Variants in LRIG3 observed in about 807,000 individuals in gnomAD.
LRIG3 encodes leucine rich repeats and immunoglobulin like domains 3, also known as leucine-rich repeats and immunoglobulin-like domains protein 3.
In LRIG3, 76 loss-of-function variants were observed where a neutral mutation model predicts 114.5. The ratio of observed to expected loss-of-function variants is 0.66; its 90% confidence interval spans 0.55 to 0.80. The LOEUF is 0.80. Ranked by LOEUF, LRIG3 falls within the 30% of genes least tolerant of loss-of-function variation. LRIG3 has a pLI of 0.00. For synonymous variants in LRIG3, 512 were observed against 519.8 expected, an observed-to-expected ratio of 0.98 and a Z score of 0.20; for missense variants, 1,239 against 1,382.8, an observed-to-expected ratio of 0.90 and a Z score of 1.65.
chr12:58,876,643 C>A (rs148809438), intron 15 of LRIG3, 40 bp from the exon 16 acceptor site: 1 of 1,607,362 alleles, frequency 6.2e-7, no homozygotes, highest in South Asian at 1.1e-5. Context: ...CAAGGATGAT[C>A]GTTAATTGTC....
At position 58,890,756 on chromosome 12, in the gene LRIG3, T is replaced by C. The variant is rs757820193; in HGVS notation, c.424A>G (p.Lys142Glu). The C allele has an allele frequency of 5.0e-6, 8 of 1,607,086 alleles. No individual in the cohort carries two copies. The South Asian group carries it at 9.0e-5, about 18-fold the overall frequency. The change falls in exon 4 of 19, where the codon AAA (lysine) becomes GAA (glutamate). Residue 142 changes from lysine (K) to glutamate (E), a missense_variant. Transcript: ENST00000320743. ...AAAGTTTCAAGGGACTGAAACTCTT[T>C]CAGATGTTCAGGGAGTATTTCAACA... The part of the protein sequence containing the change: ...RIVEILPEHL[K>E]EFQSLETLDL...
intron 10 of LRIG3, among the ~76,000 whole-genome samples, chr12:58,884,265 T>C (rs929357238): frequency 6.6e-5 from 10 of 152,232 alleles, no homozygotes; most frequent in Non-Finnish European, 1.5e-4. Flanking sequence ...GCACATATTC[T>C]GGATTAATTC....
chr12:58,878,120 TA>T (rs1429265867), intron 14 of LRIG3, among the ~76,000 whole-genome samples: 5 of 152,018 alleles, frequency 3.3e-5, no homozygotes, highest in Admixed American at 2.6e-4. Flanking sequence ...AAGCTGGTAG[TA>T]GGGGGGGAGA....
At position 58,879,098 on chromosome 12, in the gene LRIG3, G is replaced by C. The variant is rs146845169; in HGVS notation, c.1809C>G (p.Pro603=). The change falls in exon 14 of 19, where the codon CCC becomes CCG. Residue 603 remains proline, a synonymous_variant. Transcript: ENST00000320743. The part of the protein sequence containing the change: ...VKAKLTVNML[P]SFTKTPMDLT... ...GATCCATGGGGGTCTTGGTGAATGA[G>C]GGAAGCACTGAAATCAGAGAAACAA... The C allele has an allele frequency of 2.0e-5, 32 of 1,610,630 alleles. No homozygotes were observed. In the African/African-American group the frequency reaches 3.9e-4, roughly 19 times the overall value.
chr12:58,878,495 G>GGT (rs1276378266), intron 14 of LRIG3, among the ~76,000 whole-genome samples: 4 of 152,114 alleles, frequency 2.6e-5, no homozygotes, highest in Admixed American at 2.0e-4. Flanking sequence ...TGTTCTTTAT[G>GGT]GTGTTAAGAC....
chr12:58,880,380 C>G (rs927281591), intron 13 of LRIG3: 3 of 698,164 alleles, frequency 4.3e-6, no homozygotes, highest in Non-Finnish European at 7.8e-6. Context: ...ACACTGAGTA[C>G]GGTGTCGTCT....
Position 58,914,075 on chromosome 12 carries a change from AAAAG to A in LRIG3, c.309-23_309-20del, listed in dbSNP as rs1419440277. On this transcript the variant is annotated intron_variant, in intron 2 of 18. Coordinates refer to ENST00000320743, the MANE Select transcript of LRIG3 (RefSeq NM_153377.5). ...CAGTTTCCTACAAATGCCAAAAAAA[AAAAG>A]AAAAAGAAAAGCTGATTAGGTAATC... 7 of 1,590,408 alleles carry A rather than the reference AAAAG, an allele frequency of 4.4e-6. No homozygotes were observed. The highest frequency in any genetic ancestry group is 6.0e-6 in the Non-Finnish European group (7 of 1,173,250).
chr12:58,883,162 T>A (rs1871172711), intron 11 of LRIG3, 130 bp from the exon 12 acceptor site: 1 of 822,464 alleles, frequency 1.2e-6, no homozygotes, highest in African/African-American at 1.7e-5. Context: ...GGAATAAGTA[T>A]CCCACAGTCC....
chr12:58,880,442 G>T, intron 13 of LRIG3, 139 bp downstream of exon 13: 1 of 860,276 alleles, frequency 1.2e-6, no homozygotes, highest in Non-Finnish European at 1.9e-6. Flanking sequence ...TAATTTTGTG[G>T]AATGAAAGGT....
chr12:58,885,491 C>A (rs1399021966), intron 10 of LRIG3, among the ~76,000 whole-genome samples: 1 of 151,254 alleles, frequency 6.6e-6, no homozygotes, highest in Non-Finnish European at 1.5e-5. Context: ...ATATGTGGTA[C>A]AATGCCTGAT....
intron 3 of LRIG3, among the ~76,000 whole-genome samples, chr12:58,904,029 G>C (rs932249539): frequency 1.3e-5 from 2 of 152,096 alleles, no homozygotes; most frequent in Admixed American, 1.3e-4. Flanking sequence ...TTTTGGCTTA[G>C]GATTGACTTG....
At chr12:58,880,286 C>T in intron 13 of LRIG3, 2 of 405,406 alleles carry the variant, frequency 4.9e-6, no homozygotes, top group Non-Finnish European at 8.8e-6. Context: ...GGTGACAGTG[C>T]AAGATTCCGT....
chr12:58,878,871 T>C lies in LRIG3; in HGVS notation c.2036A>G (p.Gln679Arg). ...TGCTGAAATACTTCCTGCACTGTTC[T>C]GAGCTGTGCAGCTGTATACCCCAAT... The part of the protein sequence containing the change: ...EDIGVYSCTA[Q>R]NSAGSISANA... Residue 679 changes from glutamine (Q) to arginine (R), a missense_variant, in exon 14 of 19, where the codon CAG (glutamine) becomes CGG (arginine). Transcript: ENST00000320743. The C allele has an allele frequency of 6.2e-7, 1 of 1,614,248 alleles. No individual in the cohort carries two copies.
intron 18 of LRIG3, 25 bp from the exon 19 acceptor site, chr12:58,872,841 A>C (rs1870785071): frequency 1.3e-6 from 2 of 1,595,566 alleles, no homozygotes; most frequent in Admixed American, 1.8e-5. Flanking sequence ...CACCTTGAGC[A>C]CATGGGTCCC....
intron 13 of LRIG3, among the ~76,000 whole-genome samples, chr12:58,880,152 C>T (rs140165891): frequency 0.042 from 6,419 of 151,860 alleles, 184 homozygotes; most frequent in Non-Finnish European, 0.059. Context: ...AAAAATTGGC[C>T]GGGCATGGTG....
chr12:58,887,874 A>G lies in LRIG3; in HGVS notation c.1006T>C (p.Leu336=). ...TTCCCAATGTGCAGTGTATTTAGTA[A>G]GCTTAGGCCAAGGAAGCTTGAATCA... ...LDDSSFLGLS[L]LNTLHIGNNR... is the part of the protein sequence containing the mutation. The change falls in exon 8 of 19, where the codon TTA becomes CTA. Residue 336 remains leucine (L), a synonymous_variant. Coordinates refer to ENST00000320743, the MANE Select transcript of LRIG3 (RefSeq NM_153377.5). 6.2e-7 allele frequency: 1 copy of G among 1,613,962 alleles called. No homozygotes were observed. Among genetic ancestry groups the G allele is most frequent in the Non-Finnish European group, 8.5e-7 (1 of 1,179,888 alleles).
chr12:58,874,564 T>C lies in LRIG3; in HGVS notation c.2705A>G (p.His902Arg), dbSNP rs144863749. The change falls in exon 17 of 19, where the codon CAT becomes CGT. Residue 902 changes from histidine to arginine, a missense_variant. By Grantham distance (29) the His-to-Arg change is conservative (BLOSUM62 0). Transcript: ENST00000320743. ...LPQHDSSGTC[H>R]IDNSSEADVE... ...ATCAGCTTCACTGCTATTGTCAATATGGCAGGTCCCTTTGAAACAAAAATC... is the reference window on the plus strand; with the variant it reads ...ATCAGCTTCACTGCTATTGTCAATACGGCAGGTCCCTTTGAAACAAAAATC... 201 of 1,613,774 alleles carry C rather than the reference T, an allele frequency of 1.2e-4. No homozygotes were observed. In the African/African-American group the frequency reaches 2.1e-3, roughly 17 times the overall value.
chr12:58,886,948 C>T (rs1871295399), intron 8 of LRIG3, 58 bp from the exon 9 acceptor site: 4 of 1,321,642 alleles, frequency 3.0e-6, no homozygotes. Context: ...CTAGTATCAC[C>T]ACCCAGGTGG....
intron 3 of LRIG3, among the ~76,000 whole-genome samples, chr12:58,892,273 A>G (rs1871482124): frequency 6.6e-6 from 1 of 152,226 alleles, no homozygotes; most frequent in Admixed American, 6.5e-5. Context: ...AATCATAGAA[A>G]GGTCTCCTCT....
Sources: gnomAD v4.1 joint callset for allele counts (sites outside exome capture counted in the v4.1 genomes callset) on GRCh38, gnomAD v4.1.1 for gene constraint, MANE v1.5 for transcripts, NCBI Gene and HGNC (gene_info 2026-07-23, HGNC 2026-07-21) for gene names.